The following ZFHX3 variants were observed in gnomAD, a reference collection of about 807,000 sequenced individuals.
The protein encoded by ZFHX3 is zinc finger homeobox 3, also known as zinc finger homeobox protein 3.
Under a neutral mutation model 279.1 loss-of-function variants are expected in ZFHX3, and 42 were observed. That is an observed-to-expected ratio of 0.15 (90% CI 0.12 to 0.19). The LOEUF (loss-of-function observed/expected upper bound fraction) is 0.19. Ranked by LOEUF, ZFHX3 falls within the 10% of genes least tolerant of loss-of-function variation. The probability of loss-of-function intolerance (pLI) is 1.00; values close to 1 mark genes in which losing one functional copy is unlikely to be tolerated. For missense variants in ZFHX3, 4,981 were observed against 4,754.0 expected, an observed-to-expected ratio of 1.05 and a Z score of -1.40; for synonymous variants, 2,293 against 1,957.8, an observed-to-expected ratio of 1.17 and a Z score of -4.52.
intron 2 of ZFHX3, among the ~76,000 whole-genome samples, chr16:73,547,269 TTTAAA>T (rs1479265666): frequency 1.3e-5 from 2 of 151,938 alleles, no homozygotes; most frequent in African/African-American, 4.8e-5. Context: ...CCAAATTGGC[TTTAAA>T]TTAAATATAA....
chr16:72,885,778 T>C (rs960607129), intron 4 of ZFHX3, among the ~76,000 whole-genome samples: 3 of 152,140 alleles, frequency 2.0e-5, no homozygotes, highest in Non-Finnish European at 2.9e-5. Context: ...AGAAGGAATG[T>C]CATCACTTAG....
intron 1 of ZFHX3, among the ~76,000 whole-genome samples, chr16:73,037,023 G>A (rs148894945): frequency 4.1e-4 from 62 of 151,930 alleles, no homozygotes; most frequent in African/African-American, 1.4e-3. Flanking sequence ...CCTTACTGCT[G>A]CGCAAATAAA....
At chr16:73,187,190 G>A (rs1193547844) in intron 5 of ZFHX3, among the ~76,000 whole-genome samples, 1 of 146,020 alleles carries the variant, frequency 6.8e-6, no homozygotes, top group Non-Finnish European at 1.5e-5. Context: ...AGTGGGAAAT[G>A]TGTTTGTCTA....
At position 72,786,017 on chromosome 16, in the gene ZFHX3, T is replaced by C. The variant is rs1567502821; in HGVS notation, c.*1147A>G. 1 of 151,958 alleles carries C rather than the reference T, an allele frequency of 6.6e-6. No homozygotes were observed. The highest frequency in any genetic ancestry group is 1.5e-5 in the Non-Finnish European group (1 of 68,002). 9.4% of individuals were successfully genotyped at this position (151,958 alleles called of 1,614,324 possible). A position where few individuals can be genotyped will look rare whatever the true frequency, so the allele number is the denominator to read the frequency against. ...TAATTCTGCAGCTCCCTCTAAGAAA[T>C]GAAGGCAGCTACCTTAAGTGGGAGA... is the stretch of plus-strand genomic sequence containing the variant. On this transcript the variant is annotated 3_prime_UTR_variant, in exon 10 of 10. Coordinates refer to ENST00000268489, the MANE Select transcript of ZFHX3 (RefSeq NM_006885.4).
chr16:73,874,831 T>C (rs1246514678), intron 1 of ZFHX3, among the ~76,000 whole-genome samples: 1 of 152,178 alleles, frequency 6.6e-6, no homozygotes, highest in East Asian at 1.9e-4. Flanking sequence ...AGGATTACAA[T>C]GATATAGATT....
At chr16:72,972,196 C>A (rs1197382145) in intron 1 of ZFHX3, among the ~76,000 whole-genome samples, 1 of 152,044 alleles carries the variant, frequency 6.6e-6, no homozygotes, top group Admixed American at 6.6e-5. Context: ...CCCGGCCTTG[C>A]CTGTTATTTC....
At chr16:73,889,340 C>T (rs947998218) in intron 1 of ZFHX3, among the ~76,000 whole-genome samples, 2 of 152,130 alleles carry the variant, frequency 1.3e-5, no homozygotes, top group East Asian at 1.9e-4. Context: ...GAATGGGACA[C>T]GATATGCTTT....
chr16:73,316,062 G>A (rs2015440610), intron 4 of ZFHX3, among the ~76,000 whole-genome samples: 1 of 152,296 alleles, frequency 6.6e-6, no homozygotes, highest in South Asian at 2.1e-4. Flanking sequence ...GCTCTCAGAG[G>A]ACAGTGTCTC....
chr16:73,431,043 AAAG>A (rs913749575), intron 3 of ZFHX3, among the ~76,000 whole-genome samples: 3 of 152,228 alleles, frequency 2.0e-5, no homozygotes, highest in Admixed American at 6.5e-5. Flanking sequence ...GTTTTGTGAT[AAAG>A]AAGGACAAAC....
At chr16:73,763,476 C>T (rs1433617072) in intron 1 of ZFHX3, among the ~76,000 whole-genome samples, 3 of 152,188 alleles carry the variant, frequency 2.0e-5, no homozygotes, top group Non-Finnish European at 4.4e-5. Flanking sequence ...CTGAAAGACA[C>T]TTCTTTTCCT....
At chr16:72,999,055 T>C (rs1445850311) in intron 1 of ZFHX3, among the ~76,000 whole-genome samples, 1 of 152,214 alleles carries the variant, frequency 6.6e-6, no homozygotes, top group East Asian at 1.9e-4. Context: ...TTTGACCTAA[T>C]CTGAGATTAT....
At chr16:73,148,449 T>G (rs1047287868) in intron 5 of ZFHX3, among the ~76,000 whole-genome samples, 2 of 151,802 alleles carry the variant, frequency 1.3e-5, no homozygotes, top group African/African-American at 4.8e-5. Context: ...TTGAAAACTA[T>G]GAACTGGATA....
intron 1 of ZFHX3, among the ~76,000 whole-genome samples, chr16:73,042,304 G>A (rs921809367): frequency 2.6e-5 from 4 of 152,124 alleles, no homozygotes; most frequent in Non-Finnish European, 5.9e-5. Flanking sequence ...AGAAGACAGA[G>A]GCAGTCGCCT....
chr16:72,979,139 T>G (rs529714319), intron 1 of ZFHX3, among the ~76,000 whole-genome samples: 10 of 152,178 alleles, frequency 6.6e-5, no homozygotes, highest in Non-Finnish European at 1.2e-4. Context: ...ATGGGCTACT[T>G]TACTCTTTTA....
intron 4 of ZFHX3, among the ~76,000 whole-genome samples, chr16:72,858,506 G>A (rs887404286): frequency 1.1e-4 from 16 of 152,176 alleles, no homozygotes; most frequent in African/African-American, 3.6e-4. Flanking sequence ...TTTCATAGAA[G>A]CAAATGGATC....
At chr16:73,513,128 T>A in intron 2 of ZFHX3, among the ~76,000 whole-genome samples, 1 of 152,186 alleles carries the variant, frequency 6.6e-6, no homozygotes. Context: ...ACCAGAGATC[T>A]CTGCACATAG....
chr16:73,023,877 G>A (rs953718292), intron 1 of ZFHX3, among the ~76,000 whole-genome samples: 1 of 152,138 alleles, frequency 6.6e-6, no homozygotes, highest in African/African-American at 2.4e-5. Context: ...AGGGAGCTCC[G>A]AGGGACACTT....
At chr16:73,254,631 T>C (rs2013609239) in intron 5 of ZFHX3, among the ~76,000 whole-genome samples, 1 of 152,034 alleles carries the variant, frequency 6.6e-6, no homozygotes, top group Admixed American at 6.6e-5. Context: ...TAGAAGGATA[T>C]TAAAACCAAG....
intron 1 of ZFHX3, among the ~76,000 whole-genome samples, chr16:73,886,019 C>T (rs575713075): frequency 6.6e-5 from 10 of 152,120 alleles, no homozygotes; most frequent in Non-Finnish European, 1.3e-4. Flanking sequence ...ATACATCTGC[C>T]TATAGGGAGG....
Sources: allele counts gnomAD v4.1 joint callset (sites outside exome capture counted in the v4.1 genomes callset), GRCh38; gene constraint gnomAD v4.1.1; transcripts MANE v1.5; gene names NCBI Gene and HGNC (gene_info 2026-07-23, HGNC 2026-07-21).